The following DLC1 variants were observed in gnomAD, a reference collection of about 807,000 sequenced individuals.
DLC1 encodes rho GTPase-activating protein 7.
Under a neutral mutation model 140.3 loss-of-function variants are expected in DLC1, and 54 were observed. The observed-to-expected ratio is 0.38, with a 90% CI of 0.31 to 0.48. The LOEUF (loss-of-function observed/expected upper bound fraction) is 0.48. Ranked by LOEUF, DLC1 falls within the 20% of genes least tolerant of loss-of-function variation. The probability of loss-of-function intolerance (pLI) is 0.96; values close to 1 mark genes in which losing one functional copy is unlikely to be tolerated. For missense variants in DLC1, 2,536 were observed against 1,907.0 expected, an observed-to-expected ratio of 1.33 and a Z score of -6.14; for synonymous variants, 986 against 728.1, an observed-to-expected ratio of 1.35 and a Z score of -5.70.
chr8:13,120,556 G>A (rs965218384), intron 5 of DLC1, among the ~76,000 whole-genome samples: 1 of 151,612 alleles, frequency 6.6e-6, no homozygotes, highest in African/African-American at 2.4e-5. Flanking sequence ...TGTGGGTGGT[G>A]ATGTGAAAAT....
At chr8:13,375,306 CT>C (rs1458103080) in intron 4 of DLC1, among the ~76,000 whole-genome samples, 3 of 152,140 alleles carry the variant, frequency 2.0e-5, no homozygotes, top group Admixed American at 6.5e-5. Context: ...GGATTACAGG[CT>C]TGAGCCACCG....
At chr8:13,338,394 G>A (rs183555779) in intron 4 of DLC1, among the ~76,000 whole-genome samples, 73 of 152,292 alleles carry the variant, frequency 4.8e-4, no homozygotes, top group Admixed American at 3.1e-3. Flanking sequence ...CTGAAGTTAA[G>A]AGTTGCTGCA....
intron 1 of DLC1, among the ~76,000 whole-genome samples, chr8:13,547,836 C>T (rs1033222774): frequency 6.6e-6 from 1 of 152,018 alleles, no homozygotes; most frequent in Non-Finnish European, 1.5e-5. Context: ...GAAATACTTT[C>T]TGTTTTCTAA....
At chr8:13,297,056 C>G (rs1285647045) in intron 5 of DLC1, among the ~76,000 whole-genome samples, 1 of 151,094 alleles carries the variant, frequency 6.6e-6, no homozygotes, top group Non-Finnish European at 1.5e-5. Flanking sequence ...TTTTAAAAAT[C>G]CTGTGAGTTC....
chr8:13,460,872 G>A (rs1799623713), intron 2 of DLC1, among the ~76,000 whole-genome samples: 1 of 152,188 alleles, frequency 6.6e-6, no homozygotes, highest in South Asian at 2.1e-4. Context: ...GAGTTACAGT[G>A]GCTTATTTCA....
chr8:13,236,287 G>T (rs1585975207), intron 5 of DLC1, among the ~76,000 whole-genome samples: 1 of 151,870 alleles, frequency 6.6e-6, no homozygotes, highest in Admixed American at 6.6e-5. Context: ...AGACTTTAAC[G>T]ACTATATTTA....
At chr8:13,132,402 AGTTTTTGG>A (rs1383642748) in intron 5 of DLC1, among the ~76,000 whole-genome samples, 3 of 151,886 alleles carry the variant, frequency 2.0e-5, no homozygotes, top group Admixed American at 6.6e-5. Context: ...AAGGAAAACA[AGTTTTTGG>A]TGAACTTTCA....
chr8:13,197,472 C>T (rs1827135582), intron 5 of DLC1, among the ~76,000 whole-genome samples: 1 of 152,084 alleles, frequency 6.6e-6, no homozygotes, highest in African/African-American at 2.4e-5. Context: ...CCTCAACCTC[C>T]TGAGTAGCTG....
chr8:13,526,856 G>A (rs1802934120), intron 1 of DLC1, among the ~76,000 whole-genome samples: 3 of 152,028 alleles, frequency 2.0e-5, no homozygotes, highest in African/African-American at 4.8e-5. Flanking sequence ...CACCAACATG[G>A]CACATGTATA....
At chr8:13,198,970 G>GCCT (rs1227464186) in intron 5 of DLC1, among the ~76,000 whole-genome samples, 1 of 152,006 alleles carries the variant, frequency 6.6e-6, no homozygotes, top group Non-Finnish European at 1.5e-5. Context: ...GCCCGCCTTG[G>GCCT]CCTCCCAAGG....
rs1401917502 is a variant in DLC1 at position 13,481,173 on chromosome 8, C to T, written c.1023+17876G>A. On this transcript the variant is annotated intron_variant, in intron 2 of 17. Coordinates refer to ENST00000276297, the MANE Select transcript of DLC1 (RefSeq NM_182643.3). Reference sequence around the variant, plus strand: ...GGTGCAGTTGCTCACGCCTGTAATCCCAGTAACTTGGGAGGCCAAGGCAGC... The same window carrying T: ...GGTGCAGTTGCTCACGCCTGTAATCTCAGTAACTTGGGAGGCCAAGGCAGC... Among the ~76,000 whole-genome samples the T allele has an allele frequency of 2.0e-5, 3 of 151,986 alleles. No homozygotes were observed. In the East Asian group the frequency reaches 5.8e-4, roughly 29 times the overall value.
intron 5 of DLC1, among the ~76,000 whole-genome samples, chr8:13,149,740 C>A (rs898684636): frequency 2.6e-5 from 4 of 152,200 alleles, no homozygotes; most frequent in Non-Finnish European, 5.9e-5. Context: ...AACATCTGTA[C>A]CTAAGAAAGA....
chr8:13,268,005 A>G (rs1017336023), intron 5 of DLC1, among the ~76,000 whole-genome samples: 13 of 152,176 alleles, frequency 8.5e-5, no homozygotes, highest in African/African-American at 2.9e-4. Context: ...ATCAACAATG[A>G]CTTAGGACAA....
chr8:13,476,527 G>A (rs187539540), intron 2 of DLC1, among the ~76,000 whole-genome samples: 4 of 150,088 alleles, frequency 2.7e-5, no homozygotes, highest in East Asian at 2.0e-4. Context: ...CACCTAACTC[G>A]GACATTCCAG....
At chr8:13,348,729 C>A (rs1178199729) in intron 4 of DLC1, among the ~76,000 whole-genome samples, 1 of 151,998 alleles carries the variant, frequency 6.6e-6, no homozygotes, top group Non-Finnish European at 1.5e-5. Context: ...AAAATGAATA[C>A]ATGAGAAAAA....
chr8:13,168,357 G>T (rs80205914), intron 5 of DLC1, among the ~76,000 whole-genome samples: 2 of 152,136 alleles, frequency 1.3e-5, no homozygotes, highest in African/African-American at 4.8e-5. Flanking sequence ...TCTGTATCTA[G>T]ATCTCGTTCC....
rs1347786347 is a variant in DLC1 at position 13,115,466 on chromosome 8, T to TA, written c.1420+119_1420+120insT. 4 of 1,012,484 alleles carry TA rather than the reference T, an allele frequency of 4.0e-6. No homozygotes were observed. In the African/African-American group the frequency reaches 6.6e-5, roughly 17 times the overall value. 62.7% of individuals were successfully genotyped at this position (1,012,484 alleles called of 1,614,324 possible). ...GGGGGTCTTGCATGCTTACAACATT[T>TA]TTTTTAAAAATAAAACATTTAAACG... On this transcript the variant is annotated intron_variant, in intron 6 of 17. Transcript: ENST00000276297.
At chr8:13,448,689 C>T (rs72603969) in intron 2 of DLC1, among the ~76,000 whole-genome samples, 12,817 of 152,178 alleles carry the variant, frequency 0.084, 668 homozygotes, top group East Asian at 0.16. Flanking sequence ...ATAGTGTCTA[C>T]ATTATCCTTT....
chr8:13,190,892 C>A (rs1274845931), intron 5 of DLC1, among the ~76,000 whole-genome samples: 2 of 152,092 alleles, frequency 1.3e-5, no homozygotes, highest in South Asian at 4.2e-4. Context: ...CCGTTTCCAC[C>A]CTTTCTTCAC....
Sources: gnomAD v4.1 joint callset for allele counts (sites outside exome capture counted in the v4.1 genomes callset) on GRCh38, gnomAD v4.1.1 for gene constraint, MANE v1.5 for transcripts, NCBI Gene and HGNC (gene_info 2026-07-23, HGNC 2026-07-21) for gene names.